KCTD8: variants seen among roughly 807,000 people sequenced by gnomAD.
KCTD8 encodes the protein BTB/POZ domain-containing protein KCTD8.
A neutral mutation model predicts 31.5 loss-of-function variants in KCTD8; 27 were observed. That is an observed-to-expected ratio of 0.86 (90% CI 0.63 to 1.18). The LOEUF is 1.18. KCTD8 is among the 50% of genes most tolerant of loss of function. The pLI is 0.00. For missense variants in KCTD8, 658 were observed against 647.7 expected, an observed-to-expected ratio of 1.02 and a Z score of -0.17; for synonymous variants, 290 against 280.0, an observed-to-expected ratio of 1.04 and a Z score of -0.36.
chr4:44,179,539 G>A (rs903524994), intron 1 of KCTD8, among the ~76,000 whole-genome samples: 6 of 149,082 alleles, frequency 4.0e-5, no homozygotes, highest in Non-Finnish European at 7.4e-5. Flanking sequence ...ATATATTCAT[G>A]TTCTTTCACA....
At chr4:44,445,351 C>T (rs1412804681) in intron 1 of KCTD8, among the ~76,000 whole-genome samples, 1 of 152,172 alleles carries the variant, frequency 6.6e-6, no homozygotes, top group East Asian at 1.9e-4. Flanking sequence ...TCTGGAATTG[C>T]ATATTTTCTC....
At chr4:44,241,281 T>G (rs924305846) in intron 1 of KCTD8, among the ~76,000 whole-genome samples, 2 of 152,222 alleles carry the variant, frequency 1.3e-5, no homozygotes, top group Admixed American at 1.3e-4. Context: ...AATATTACAA[T>G]TGTAAAAGAA....
rs368063655 is a variant in KCTD8, at chr4:44,400,318, TG to T, written c.961+47244del. ...AAAATTTCATCTCCTTTCTCAATGC[TG>T]CAATAAGATAGCAATGTCAGGTCAA... is the stretch of plus-strand genomic sequence containing the variant. On this transcript the variant is annotated intron_variant, in intron 1 of 1. Coordinates refer to ENST00000360029, the MANE Select transcript of KCTD8 (RefSeq NM_198353.3). 5.6e-4 allele frequency among the ~76,000 whole-genome samples: 86 copies of T among 152,226 alleles called. 3 individuals are homozygous for T. The Middle Eastern group carries it at 0.041, about 72-fold the overall frequency.
intron 1 of KCTD8, chr4:44,293,366 A>C: frequency 2.4e-6 from 1 of 420,422 alleles, no homozygotes; most frequent in Non-Finnish European, 4.6e-6. Flanking sequence ...AACCAGATTA[A>C]TTTATCTGCC....
chr4:44,325,628 T>C (rs1439679188), intron 1 of KCTD8, among the ~76,000 whole-genome samples: 2 of 151,962 alleles, frequency 1.3e-5, no homozygotes, highest in Non-Finnish European at 2.9e-5. Context: ...AGCTACTATG[T>C]ACCTATAAAA....
chr4:44,417,444 C>T (rs1376573880), intron 1 of KCTD8, among the ~76,000 whole-genome samples: 2 of 151,668 alleles, frequency 1.3e-5, no homozygotes, highest in Admixed American at 1.3e-4. Flanking sequence ...ATAATAATAC[C>T]ATCCACTCTA....
intron 1 of KCTD8, among the ~76,000 whole-genome samples, chr4:44,433,128 T>A (rs1237040260): frequency 6.6e-6 from 1 of 151,784 alleles, no homozygotes; most frequent in African/African-American, 2.4e-5. Flanking sequence ...TAAATTTTAA[T>A]GGATCTAAAA....
At chr4:44,431,189 A>G (rs1033043878) in intron 1 of KCTD8, among the ~76,000 whole-genome samples, 1 of 151,696 alleles carries the variant, frequency 6.6e-6, no homozygotes, top group Non-Finnish European at 1.5e-5. Context: ...AAACTATTTT[A>G]GAGCAGTTCA....
chr4:44,272,121 T>C (rs866657785), intron 1 of KCTD8, among the ~76,000 whole-genome samples: 2 of 142,526 alleles, frequency 1.4e-5, no homozygotes, highest in African/African-American at 2.7e-5. Flanking sequence ...TGGTATTATA[T>C]TATATATATA....
At chr4:44,310,938 T>G (rs938026575) in intron 1 of KCTD8, among the ~76,000 whole-genome samples, 3 of 152,126 alleles carry the variant, frequency 2.0e-5, no homozygotes, top group Middle Eastern at 3.2e-3. Flanking sequence ...GTCAAGTATA[T>G]AGATCACAAG....
chr4:44,208,296 C>T (rs1714376973), intron 1 of KCTD8, among the ~76,000 whole-genome samples: 1 of 152,170 alleles, frequency 6.6e-6, no homozygotes, highest in South Asian at 2.1e-4. Flanking sequence ...ATTGGTGTCA[C>T]ATCTAACATC....
At chr4:44,397,861 C>A (rs545424733) in intron 1 of KCTD8, among the ~76,000 whole-genome samples, 1 of 152,114 alleles carries the variant, frequency 6.6e-6, no homozygotes, top group African/African-American at 2.4e-5. Context: ...AAATTTATTA[C>A]AATTATAATA....
rs546159934 is a variant in KCTD8 at position 44,276,075 on chromosome 4, T to A, written c.962-100825A>T. 5.5e-4 allele frequency among the ~76,000 whole-genome samples: 84 copies of A among 152,074 alleles called. No individual in the cohort carries two copies. The South Asian group carries it at 0.016, about 30-fold the overall frequency. On this transcript the variant is annotated intron_variant, in intron 1 of 1. Transcript: ENST00000360029. The stretch of plus-strand genomic sequence containing the variant: ...CAAAAGAGTGGCATCCCAAGGGTGG[T>A]GTGGTAGAAGCCATCTGACCTGGTG...
chr4:44,375,966 T>C (rs1719906058), intron 1 of KCTD8, among the ~76,000 whole-genome samples: 1 of 152,112 alleles, frequency 6.6e-6, no homozygotes, highest in South Asian at 2.1e-4. Context: ...TACTCATTCA[T>C]TTTCTTCTAT....
intron 1 of KCTD8, among the ~76,000 whole-genome samples, chr4:44,233,437 GGT>G (rs1182581005): frequency 1.4e-4 from 22 of 152,136 alleles, no homozygotes; most frequent in Non-Finnish European, 5.9e-5. Context: ...AATGATGCAT[GGT>G]GTTCCAGTTC....
At chr4:44,305,943 C>G (rs1717788056) in intron 1 of KCTD8, among the ~76,000 whole-genome samples, 1 of 151,356 alleles carries the variant, frequency 6.6e-6, no homozygotes, top group African/African-American at 2.4e-5. Context: ...TATTTAAAAA[C>G]TAAAAGCATT....
chr4:44,381,522 A>C (rs1368340069), intron 1 of KCTD8, among the ~76,000 whole-genome samples: 2 of 152,128 alleles, frequency 1.3e-5, no homozygotes, highest in Non-Finnish European at 2.9e-5. Context: ...AGCTATACTT[A>C]AGTCAAATAA....
intron 1 of KCTD8, among the ~76,000 whole-genome samples, chr4:44,401,992 A>G (rs1331958960): frequency 1.3e-5 from 2 of 152,216 alleles, no homozygotes; most frequent in Admixed American, 6.5e-5. Context: ...AGTTAATCCA[A>G]TAATAATCTC....
intron 1 of KCTD8, among the ~76,000 whole-genome samples, chr4:44,337,646 C>A (rs1718784053): frequency 6.8e-6 from 1 of 148,060 alleles, no homozygotes; most frequent in Non-Finnish European, 1.5e-5. Context: ...TGCACTCCAG[C>A]CTGAGTGACA....
Sources: allele counts gnomAD v4.1 joint callset (sites outside exome capture counted in the v4.1 genomes callset), GRCh38; gene constraint gnomAD v4.1.1; transcripts MANE v1.5; gene names NCBI Gene and HGNC (gene_info 2026-07-23, HGNC 2026-07-21).